PRKCH: variants seen among roughly 807,000 people sequenced by gnomAD.
PRKCH encodes protein kinase C eta type.
In PRKCH, 28 loss-of-function variants were observed where a neutral mutation model predicts 82.5. The observed-to-expected ratio is 0.34, with a 90% CI of 0.25 to 0.47. PRKCH has a LOEUF of 0.47. Ranked by LOEUF, PRKCH falls within the 20% of genes least tolerant of loss-of-function variation. PRKCH has a pLI of 1.00. For missense variants in PRKCH, 705 were observed against 881.8 expected, an observed-to-expected ratio of 0.80 and a Z score of 2.54; for synonymous variants, 322 against 327.4, an observed-to-expected ratio of 0.98 and a Z score of 0.18.
intron 2 of PRKCH, among the ~76,000 whole-genome samples, chr14:61,423,274 C>G (rs1882951120): frequency 6.6e-6 from 1 of 152,166 alleles, no homozygotes; most frequent in African/African-American, 2.4e-5. Context: ...CAGGGATACA[C>G]TAATAAGATG....
At chr14:61,502,577 G>A (rs1468276686) in intron 10 of PRKCH, among the ~76,000 whole-genome samples, 1 of 152,134 alleles carries the variant, frequency 6.6e-6, no homozygotes, top group African/African-American at 2.4e-5. Flanking sequence ...GGATTAAAGA[G>A]TAGCAGCACA....
chr14:61,334,318 C>T (rs898015214), intron 1 of PRKCH, among the ~76,000 whole-genome samples: 1 of 152,144 alleles, frequency 6.6e-6, no homozygotes, highest in African/African-American at 2.4e-5. Flanking sequence ...GGATAACAAG[C>T]AGGCAAACGC....
At chr14:61,448,842 G>A (rs528969562) in intron 4 of PRKCH, among the ~76,000 whole-genome samples, 37 of 152,288 alleles carry the variant, frequency 2.4e-4, no homozygotes, top group Non-Finnish European at 4.6e-4. Context: ...TTGTTGATCG[G>A]CAGTGAATTA....
At chr14:61,267,782 T>TAA (rs1361914746) in intron 1 of PRKCH, among the ~76,000 whole-genome samples, 1 of 152,214 alleles carries the variant, frequency 6.6e-6, no homozygotes, top group African/African-American at 2.4e-5. Context: ...TTATGCTGTA[T>TAA]AATTTATTGA....
At chr14:61,240,322 C>T (rs371076081) in intron 1 of PRKCH, among the ~76,000 whole-genome samples, 6 of 152,272 alleles carry the variant, frequency 3.9e-5, no homozygotes, top group South Asian at 2.1e-4. Flanking sequence ...TTGGAGGAAG[C>T]GGTGTCTGAT....
chr14:61,534,196 GC>G (rs370062134), intron 12 of PRKCH, among the ~76,000 whole-genome samples: 29 of 152,196 alleles, frequency 1.9e-4, no homozygotes, highest in African/African-American at 7.0e-4. Flanking sequence ...ATATGATCTA[GC>G]ACTTCTACTT....
intron 1 of PRKCH, among the ~76,000 whole-genome samples, chr14:61,378,117 T>A (rs1297422397): frequency 1.3e-5 from 2 of 152,206 alleles, no homozygotes; most frequent in Non-Finnish European, 2.9e-5. Flanking sequence ...TCCCACTAAT[T>A]GAAACTTGCC....
At chr14:61,237,400 A>T (rs1192720140) in intron 1 of PRKCH, among the ~76,000 whole-genome samples, 1 of 152,200 alleles carries the variant, frequency 6.6e-6, no homozygotes, top group African/African-American at 2.4e-5. Context: ...TTGTGAAAAA[A>T]ATCTACATTC....
At chr14:61,505,395 C>CTTTTTCTTTTTTTTTTTTT (rs1887099057) in intron 10 of PRKCH, among the ~76,000 whole-genome samples, 9 of 55,734 alleles carry the variant, frequency 1.6e-4, no homozygotes, top group African/African-American at 3.9e-4. Context: ...CTTTTCTTTT[C>CTTTTTCTTTTTTTTTTTTT]TTTTTTTTTT....
At chr14:61,240,676 A>C (rs1476203817) in intron 1 of PRKCH, among the ~76,000 whole-genome samples, 1 of 151,464 alleles carries the variant, frequency 6.6e-6, no homozygotes, top group African/African-American at 2.4e-5. Flanking sequence ...CAGCTGCCTA[A>C]AAATTATTTC....
chr14:61,467,111 C>T (rs570417633), intron 9 of PRKCH, among the ~76,000 whole-genome samples: 17 of 152,256 alleles, frequency 1.1e-4, no homozygotes, highest in African/African-American at 3.9e-4. Context: ...AGAGAGCAGC[C>T]AGGCAGCAAG....
intron 1 of PRKCH, among the ~76,000 whole-genome samples, chr14:61,332,494 G>A (rs1399558979): frequency 7.9e-5 from 12 of 152,226 alleles, no homozygotes; most frequent in African/African-American, 2.9e-4. Context: ...AAGTTCCTTT[G>A]ATTGCGTATA....
At chr14:61,548,555 C>T (rs939545516) in intron 13 of PRKCH, among the ~76,000 whole-genome samples, 1 of 152,138 alleles carries the variant, frequency 6.6e-6, no homozygotes, top group African/African-American at 2.4e-5. Flanking sequence ...GCAAGGCTAG[C>T]GATAGATCAA....
chr14:61,485,350 G>A, intron 9 of PRKCH, 152 bp from the exon 10 acceptor site: 2 of 955,454 alleles, frequency 2.1e-6, no homozygotes, highest in Non-Finnish European at 3.2e-6. Flanking sequence ...CAGACCGGTT[G>A]CACTGCACCC....
upstream of PRKCH, among the ~76,000 whole-genome samples, chr14:61,318,821 G>T (rs1324496462): frequency 1.3e-5 from 2 of 151,766 alleles, no homozygotes; most frequent in African/African-American, 2.4e-5. Flanking sequence ...AAAATAAAAT[G>T]GGACTACAGG....
chr14:61,312,377 G>T (rs1216715502), intron 1 of PRKCH, among the ~76,000 whole-genome samples: 7 of 152,062 alleles, frequency 4.6e-5, no homozygotes, highest in Non-Finnish European at 1.0e-4. Flanking sequence ...ACCAAATAGG[G>T]TCATGATGAA....
At chr14:61,224,070 A>T (rs1488180073) in intron 1 of PRKCH, among the ~76,000 whole-genome samples, 2 of 152,206 alleles carry the variant, frequency 1.3e-5, no homozygotes, top group African/African-American at 4.8e-5. Context: ...ACATTTTAAC[A>T]GTGTGCACTG....
intron 9 of PRKCH, among the ~76,000 whole-genome samples, chr14:61,472,486 G>C (rs1185174853): frequency 1.3e-5 from 2 of 152,180 alleles, no homozygotes. Context: ...ATGGGAAAAC[G>C]TGCTGATAGC....
chr14:61,539,561 C>A (rs1428575712), intron 12 of PRKCH, among the ~76,000 whole-genome samples: 1 of 152,180 alleles, frequency 6.6e-6, no homozygotes, highest in East Asian at 1.9e-4. Flanking sequence ...ACCCACATGC[C>A]CACTTCCTCC....
Sources: allele counts gnomAD v4.1 joint callset (sites outside exome capture counted in the v4.1 genomes callset), GRCh38; gene constraint gnomAD v4.1.1; transcripts MANE v1.5; gene names NCBI Gene and HGNC (gene_info 2026-07-23, HGNC 2026-07-21).